Variants in TPR observed in about 807,000 individuals in gnomAD.
TPR encodes the protein nucleoprotein TPR.
A neutral mutation model predicts 316.1 loss-of-function variants in TPR; 51 were observed. The observed-to-expected ratio is 0.16, with a 90% CI of 0.13 to 0.20. The LOEUF (loss-of-function observed/expected upper bound fraction) is 0.20, where lower values mean the gene tolerates loss of function less well. Ranked by LOEUF, TPR falls within the 10% of genes least tolerant of loss-of-function variation. TPR has a pLI of 1.00. For missense variants in TPR, 2,272 were observed against 2,754.8 expected (o/e 0.82, Z 3.92); for synonymous variants, 981 against 914.7 (o/e 1.07, Z -1.31).
chr1:186,357,608 T>G lies in TPR; in HGVS notation c.1513A>C (p.Met505Leu). Reference protein sequence around the residue: ...DLSQQIRVLLMELEEARGNHV... With the variant: ...DLSQQIRVLLLELEEARGNHV... Reference sequence around the variant, plus strand: ...TTACCCCTTGCTTCTTCAAGTTCCATCAAAAGCACTCTAATCTAAAAACAA... The same window carrying G: ...TTACCCCTTGCTTCTTCAAGTTCCAGCAAAAGCACTCTAATCTAAAAACAA... The change falls in exon 14 of 51, where the codon ATG becomes CTG. Residue 505 changes from methionine (M) to leucine (L), a missense_variant. Around this residue, in one of 10 missense-constraint regions of TPR, gnomAD observed 549 missense variants for 598.6 expected, o/e 0.92. Transcript: ENST00000367478. The G allele has an allele frequency of 6.2e-7, 1 of 1,613,146 alleles. No homozygotes were observed. The highest frequency in any genetic ancestry group is 1.1e-5 in the South Asian group (1 of 90,940).
intron 26 of TPR, 106 bp downstream of exon 26, chr1:186,343,800 A>G (rs1391151197): frequency 1.5e-5 from 16 of 1,048,090 alleles, no homozygotes; most frequent in Non-Finnish European, 2.1e-5. Flanking sequence ...AAAAGAATGA[A>G]CTTTATATCA....
chr1:186,326,162 C>T lies in TPR; in HGVS notation c.5963G>A (p.Ser1988Asn). The change falls in exon 41 of 51, where the codon AGT becomes AAT. Residue 1988 changes from serine (S) to asparagine (N), a missense_variant. This residue lies in a region of TPR where 435 missense variants were observed against 461.1 expected (regional missense o/e 0.94). Transcript: ENST00000367478. ...ATCGGCACTACCAGTTCCTTCATTA[C>T]TATCTTCACCCTCATCTCCCATCCC... Reference protein sequence around the residue: ...DTGMGDEGEDSNEGTGSADGN... With the variant: ...DTGMGDEGEDNNEGTGSADGN... 3 of 1,611,702 alleles carry T rather than the reference C, an allele frequency of 1.9e-6. No individual in the cohort carries two copies. Among genetic ancestry groups the T allele is most frequent in the Non-Finnish European group, 2.5e-6 (3 of 1,177,892 alleles).
At chr1:186,336,976 G>C (rs777725829) in intron 32 of TPR, 37 bp downstream of exon 32, 1 of 1,612,214 alleles carries the variant, frequency 6.2e-7, no homozygotes, top group South Asian at 1.1e-5. Context: ...GTGTATAACA[G>C]GAAAGAATTA....
intron 23 of TPR, 104 bp downstream of exon 23, chr1:186,346,031 A>G: frequency 3.0e-6 from 4 of 1,347,196 alleles, no homozygotes; most frequent in Non-Finnish European, 3.0e-6. Flanking sequence ...CTATGTGTTC[A>G]ATAAATTTCT....
intron 21 of TPR, among the ~76,000 whole-genome samples, chr1:186,348,027 A>G (rs547567682): frequency 2.0e-5 from 3 of 152,342 alleles, no homozygotes; most frequent in South Asian, 2.1e-4. Context: ...GAACAATATG[A>G]AATCAGTGCA....
chr1:186,354,907 T>C (rs996464545), intron 17 of TPR, among the ~76,000 whole-genome samples: 3 of 152,086 alleles, frequency 2.0e-5, no homozygotes, highest in Non-Finnish European at 2.9e-5. Context: ...ATTTTTATTT[T>C]ATTTTATTTT....
intron 3 of TPR, among the ~76,000 whole-genome samples, chr1:186,369,643 A>C (rs564886280): frequency 6.6e-6 from 1 of 152,228 alleles, no homozygotes; most frequent in Admixed American, 6.5e-5. Flanking sequence ...GTTTTTGTGG[A>C]ATCTTTCAGG....
In TPR at chr1:186,334,534, C is replaced by T; in HGVS notation, c.4974-1G>A. 1 of 1,605,664 alleles carries T rather than the reference C, an allele frequency of 6.2e-7. No individual in the cohort carries two copies. On this transcript the variant is annotated splice_acceptor_variant, in intron 35 of 50. Transcript: ENST00000367478. LOFTEE classifies it high-confidence loss of function. Reference sequence around the variant, plus strand: ...TGTTGGTGGGTCTGATGTGCTGGCACTTATAGAGGAGAAAATGGAAGAATA... The same window carrying T: ...TGTTGGTGGGTCTGATGTGCTGGCATTTATAGAGGAGAAAATGGAAGAATA...
chr1:186,360,199 G>T, intron 11 of TPR, 74 bp downstream of exon 11: 1 of 1,507,578 alleles, frequency 6.6e-7, no homozygotes. Context: ...AGTTTTGGGA[G>T]AATTAAATTT....
chr1:186,372,120 C>A (rs1337953380), intron 2 of TPR, among the ~76,000 whole-genome samples: 2 of 152,106 alleles, frequency 1.3e-5, no homozygotes, highest in Non-Finnish European at 2.9e-5. Context: ...CCAAAAGTAG[C>A]TGAAAAAAGT....
intron 29 of TPR, among the ~76,000 whole-genome samples, chr1:186,340,284 T>C (rs1571616330): frequency 6.6e-6 from 1 of 152,158 alleles, no homozygotes; most frequent in African/African-American, 2.4e-5. Flanking sequence ...AAATAATACA[T>C]GCAAGGCAGA....
At chr1:186,360,976 T>A in intron 9 of TPR, 71 bp from the exon 10 acceptor site, 3 of 1,458,008 alleles carry the variant, frequency 2.1e-6, no homozygotes, top group Non-Finnish European at 2.8e-6. Flanking sequence ...ATGCAACAGA[T>A]CAGTCACTTC....
intron 15 of TPR, 27 bp from the exon 16 acceptor site, chr1:186,355,795 T>C: frequency 6.2e-7 from 1 of 1,607,416 alleles, no homozygotes; most frequent in South Asian, 1.1e-5. Flanking sequence ...ACTAATAAAA[T>C]GCTTTGTTGG....
chr1:186,314,792 CTAAT>C (rs1416326337), intron 49 of TPR, 68 bp from the exon 50 acceptor site: 37 of 944,598 alleles, frequency 3.9e-5, no homozygotes, highest in Non-Finnish European at 5.3e-5. Context: ...ATGATACAAA[CTAAT>C]TACTAAATGA....
In TPR at chr1:186,312,455, T is replaced by TG; in HGVS notation, c.*1515dup. ...CTTATACAGTAAGGCTTATGAAATA[T>TG]GGATACTGATCAAACAGCCCTAATA... On this transcript the variant is annotated 3_prime_UTR_variant, in exon 51 of 51. Transcript: ENST00000367478. The TG allele has an allele frequency of 4.7e-6, 6 of 1,286,766 alleles. No homozygotes were observed. Among genetic ancestry groups the TG allele is most frequent in the Non-Finnish European group, 6.5e-6 (6 of 928,442 alleles). The allele number at this position is 1,286,766 out of a possible 1,614,324, so 79.7% of individuals were successfully genotyped here.
intron 49 of TPR, among the ~76,000 whole-genome samples, chr1:186,315,971 C>G (rs1657600712): frequency 6.6e-6 from 1 of 150,728 alleles, no homozygotes; most frequent in African/African-American, 2.5e-5. Context: ...ATGAAACTGC[C>G]TGCTACACTG....
rs373097277 is a variant in TPR at position 186,318,290 on chromosome 1, T to A, written c.6821+157A>T. 6.6e-5 allele frequency among the ~76,000 whole-genome samples: 10 copies of A among 150,746 alleles called. No homozygotes were observed. In the East Asian group the frequency reaches 1.8e-3, roughly 27 times the overall value. ...CTGCACTGAGCCGAGATCACGCCAC[T>A]GCACTCCAGCATGGGCGACAGAGCG... On this transcript the variant is annotated intron_variant, in intron 48 of 50. Transcript: ENST00000367478.
chr1:186,318,664 C>T, intron 47 of TPR, 61 bp from the exon 48 acceptor site: 2 of 1,605,264 alleles, frequency 1.2e-6, no homozygotes, highest in South Asian at 1.1e-5. Context: ...ACATTTTTAG[C>T]CAGAAGATAC....
At chr1:186,367,829 C>A in intron 4 of TPR, 57 bp downstream of exon 4, 1 of 1,282,700 alleles carries the variant, frequency 7.8e-7, no homozygotes, top group Non-Finnish European at 1.1e-6. Flanking sequence ...TAACTCCTAG[C>A]ACTAACAGAA....
Sources: allele counts gnomAD v4.1 joint callset (sites outside exome capture counted in the v4.1 genomes callset), GRCh38; gene constraint gnomAD v4.1.1; regional missense constraint gnomAD v4.1.1; transcripts MANE v1.5; gene names NCBI Gene and HGNC (gene_info 2026-07-23, HGNC 2026-07-21).